Variants in CNTNAP2 observed in about 807,000 individuals in gnomAD.
CNTNAP2 encodes the protein contactin associated protein 2.
A neutral mutation model predicts 155.2 loss-of-function variants in CNTNAP2; 98 were observed. The observed-to-expected ratio is 0.63, with a 90% confidence interval of 0.54 to 0.75. CNTNAP2 has a LOEUF of 0.75. CNTNAP2 is among the 30% of genes least tolerant of loss of function. CNTNAP2 has a pLI of 0.00. For missense variants in CNTNAP2, 1,727 were observed against 1,688.1 expected (o/e 1.02, Z -0.40); for synonymous variants, 651 against 631.2 (o/e 1.03, Z -0.47).
At chr7:147,762,837 T>A (rs1797326190) in intron 13 of CNTNAP2, among the ~76,000 whole-genome samples, 1 of 150,782 alleles carries the variant, frequency 6.6e-6, no homozygotes, top group Non-Finnish European at 1.5e-5. Context: ...GAAGTTTGCC[T>A]CTTGAATTTT....
At chr7:147,106,579 AT>A (rs1301088385) in intron 4 of CNTNAP2, among the ~76,000 whole-genome samples, 1 of 152,084 alleles carries the variant, frequency 6.6e-6, no homozygotes, top group Non-Finnish European at 1.5e-5. Context: ...TTAAGGTCAT[AT>A]TTTTTCTGAA....
At chr7:146,210,758 C>A (rs1287630226) in intron 1 of CNTNAP2, among the ~76,000 whole-genome samples, 1 of 152,042 alleles carries the variant, frequency 6.6e-6, no homozygotes, top group Non-Finnish European at 1.5e-5. Context: ...TACCAGAGTA[C>A]TTTGGTCTAA....
intron 1 of CNTNAP2, among the ~76,000 whole-genome samples, chr7:146,275,313 T>C (rs1440913804): frequency 6.6e-6 from 1 of 152,182 alleles, no homozygotes; most frequent in Non-Finnish European, 1.5e-5. Flanking sequence ...AATAGTAACT[T>C]AACAAGACTA....
At chr7:148,117,115 T>C (rs1804490405) in intron 15 of CNTNAP2, among the ~76,000 whole-genome samples, 1 of 152,218 alleles carries the variant, frequency 6.6e-6, no homozygotes, top group African/African-American at 2.4e-5. Flanking sequence ...TAACGCAGTT[T>C]GGTGTTTTTA....
At chr7:147,502,025 G>A (rs1798823223) in intron 11 of CNTNAP2, among the ~76,000 whole-genome samples, 2 of 152,044 alleles carry the variant, frequency 1.3e-5, no homozygotes, top group Admixed American at 1.3e-4. Flanking sequence ...GGTGAGTGAA[G>A]GATCCATACA....
chr7:148,401,785 A>G (rs1014682528), intron 22 of CNTNAP2, among the ~76,000 whole-genome samples: 4 of 152,072 alleles, frequency 2.6e-5, no homozygotes, highest in African/African-American at 7.2e-5. Context: ...TTTTTAGTAG[A>G]GACGGGGTTT....
At chr7:146,923,479 A>G (rs1019398381) in intron 3 of CNTNAP2, among the ~76,000 whole-genome samples, 2 of 151,960 alleles carry the variant, frequency 1.3e-5, no homozygotes, top group Admixed American at 6.6e-5. Context: ...TCGCTAGCAT[A>G]TAATATGTGC....
chr7:147,309,826 C>A (rs1438416454), intron 9 of CNTNAP2, among the ~76,000 whole-genome samples: 1 of 152,046 alleles, frequency 6.6e-6, no homozygotes, highest in African/African-American at 2.4e-5. Context: ...CAGATTATTT[C>A]ATCACCCAGG....
At chr7:147,253,722 C>A (rs746488087) in intron 8 of CNTNAP2, among the ~76,000 whole-genome samples, 2 of 152,198 alleles carry the variant, frequency 1.3e-5, no homozygotes, top group African/African-American at 2.4e-5. Context: ...TTCTTCCAGG[C>A]AGCCTGCTGC....
chr7:147,761,850 G>A lies in CNTNAP2; in HGVS notation c.2098+122544G>A, dbSNP rs545259856. Among the ~76,000 whole-genome samples the A allele has an allele frequency of 6.6e-5, 10 of 152,056 alleles. No individual in the cohort carries two copies. In the East Asian group the frequency reaches 1.4e-3, roughly 21 times the overall value. ...CATTAAGGCTAGATTTTCCTCTGTC[G>A]CTGGAACAAAGAACAGATTCTTCAG... On this transcript the variant is annotated intron_variant, in intron 13 of 23. Transcript: ENST00000361727.
At chr7:146,484,753 C>A (rs1217682249) in intron 1 of CNTNAP2, among the ~76,000 whole-genome samples, 1 of 152,138 alleles carries the variant, frequency 6.6e-6, no homozygotes, top group African/African-American at 2.4e-5. Flanking sequence ...TTGCTACACC[C>A]CATGATTAGA....
At chr7:146,246,859 G>A (rs1279041957) in intron 1 of CNTNAP2, among the ~76,000 whole-genome samples, 1 of 152,210 alleles carries the variant, frequency 6.6e-6, no homozygotes, top group Non-Finnish European at 1.5e-5. Context: ...TCCTGGGGGA[G>A]GAGGTTCTGG....
chr7:147,150,508 A>G (rs1378330350), intron 8 of CNTNAP2, among the ~76,000 whole-genome samples: 2 of 152,246 alleles, frequency 1.3e-5, no homozygotes, highest in African/African-American at 2.4e-5. Flanking sequence ...TTCACAACTT[A>G]GATCTTGACT....
intron 4 of CNTNAP2, among the ~76,000 whole-genome samples, chr7:147,071,518 A>C (rs747525855): frequency 6.6e-6 from 1 of 152,114 alleles, no homozygotes; most frequent in African/African-American, 2.4e-5. Flanking sequence ...AAAAAGCTTC[A>C]TATCAATTTT....
chr7:147,938,645 C>A (rs565324582), intron 14 of CNTNAP2, among the ~76,000 whole-genome samples: 4 of 151,890 alleles, frequency 2.6e-5, no homozygotes, highest in Non-Finnish European at 5.9e-5. Flanking sequence ...AGGCAAACCA[C>A]GTAAATTAAG....
intron 17 of CNTNAP2, among the ~76,000 whole-genome samples, chr7:148,156,759 A>G (rs141240193): frequency 3.2e-4 from 48 of 152,218 alleles, no homozygotes; most frequent in African/African-American, 1.2e-3. Flanking sequence ...TGTTCCTCCA[A>G]AAGCCCTCCC....
chr7:148,251,285 G>C (rs1796358549), intron 20 of CNTNAP2, among the ~76,000 whole-genome samples: 1 of 152,166 alleles, frequency 6.6e-6, no homozygotes, highest in Non-Finnish European at 1.5e-5. Flanking sequence ...CTATACTTAT[G>C]ATCAAGTTTT....
chr7:146,352,941 A>G (rs887778653), intron 1 of CNTNAP2, among the ~76,000 whole-genome samples: 1 of 151,042 alleles, frequency 6.6e-6, no homozygotes, highest in Non-Finnish European at 1.5e-5. Flanking sequence ...TTTTTAGTAG[A>G]GACAGGATTT....
intron 12 of CNTNAP2, among the ~76,000 whole-genome samples, chr7:147,587,651 AC>A (rs1166229691): frequency 6.6e-5 from 10 of 152,274 alleles, no homozygotes; most frequent in African/African-American, 2.4e-4. Context: ...ATTTATCGAT[AC>A]CTAGTAAAAT....
Sources: gnomAD v4.1 joint callset for allele counts (sites outside exome capture counted in the v4.1 genomes callset) on GRCh38, gnomAD v4.1.1 for gene constraint, MANE v1.5 for transcripts, NCBI Gene and HGNC (gene_info 2026-07-23, HGNC 2026-07-21) for gene names.